Variants in ST18 observed in about 807,000 individuals in gnomAD.
ST18 encodes suppression of tumorigenicity 18 protein.
A neutral mutation model predicts 110.0 loss-of-function variants in ST18; 50 were observed. That is an observed-to-expected ratio of 0.45 (90% CI 0.36 to 0.58). The LOEUF (loss-of-function observed/expected upper bound fraction) is 0.58. ST18 is among the 20% of genes least tolerant of loss of function. ST18 has a pLI of 0.00. For missense variants in ST18, 1,306 were observed against 1,280.1 expected, an observed-to-expected ratio of 1.02 and a Z score of -0.31; for synonymous variants, 461 against 452.4, an observed-to-expected ratio of 1.02 and a Z score of -0.24.
In ST18 at chr8:52,178,677, A is replaced by C. The variant is rs150561988; in HGVS notation, c.277+1445T>G. Among the ~76,000 whole-genome samples, 652 of 149,094 alleles carry C rather than the reference A, an allele frequency of 4.4e-3. 9 individuals are homozygous for C. The highest frequency in any genetic ancestry group is 0.016 in the East Asian group (81 of 5,068). ...AACCAAAATAAAACAAACAAAAAAA[A>C]CCCACCAAAACAACAACAACAACAA... is the stretch of plus-strand genomic sequence containing the variant. On this transcript the variant is annotated intron_variant, in intron 9 of 25. Transcript: ENST00000689386.
At chr8:52,399,123 T>A (rs901026635) in intron 2 of ST18, among the ~76,000 whole-genome samples, 1 of 152,214 alleles carries the variant, frequency 6.6e-6, no homozygotes, top group African/African-American at 2.4e-5. Context: ...GATTTGTTAT[T>A]GGTAAATTCA....
chr8:52,379,025 C>A (rs1279843312), intron 2 of ST18, among the ~76,000 whole-genome samples: 1 of 152,008 alleles, frequency 6.6e-6, no homozygotes, highest in East Asian at 1.9e-4. Flanking sequence ...AGAAATTTTA[C>A]TACAGATGAA....
rs1392871825 is a variant in ST18, at chr8:52,259,338, A to G, written c.-464-29261T>C. Among the ~76,000 whole-genome samples, 3 of 152,198 alleles carry G rather than the reference A, an allele frequency of 2.0e-5. No homozygotes were observed. In the East Asian group the frequency reaches 5.8e-4, roughly 29 times the overall value. Reference sequence around the variant, plus strand: ...GGTGTAGGCAGCACACCTAAATTCCATCTGTTGCCTGGGATTAAACCAATC... The same window carrying G: ...GGTGTAGGCAGCACACCTAAATTCCGTCTGTTGCCTGGGATTAAACCAATC... On this transcript the variant is annotated intron_variant, in intron 2 of 25. Coordinates refer to ENST00000689386, the MANE Select transcript of ST18 (RefSeq NM_001352837.2).
chr8:52,353,026 G>A (rs1821091899), intron 2 of ST18, among the ~76,000 whole-genome samples: 1 of 152,150 alleles, frequency 6.6e-6, no homozygotes, highest in Non-Finnish European at 1.5e-5. Flanking sequence ...CTGAACTCCT[G>A]TTCTTTCCAC....
chr8:52,389,930 C>T (rs1838710280), intron 2 of ST18, among the ~76,000 whole-genome samples: 1 of 151,580 alleles, frequency 6.6e-6, no homozygotes, highest in Non-Finnish European at 1.5e-5. Flanking sequence ...TTTACTCCAA[C>T]AACAACAACA....
At chr8:52,168,474 A>G (rs1050932276) in intron 10 of ST18, among the ~76,000 whole-genome samples, 1 of 152,026 alleles carries the variant, frequency 6.6e-6, no homozygotes, top group African/African-American at 2.4e-5. Context: ...GCTGGATGAT[A>G]AACAGTCCTA....
In ST18 at chr8:52,209,235, G is replaced by A. The variant is rs1588502034; in HGVS notation, c.86+2844C>T. 2.0e-5 allele frequency among the ~76,000 whole-genome samples: 3 copies of A among 152,334 alleles called. 1 individual carries two copies. In the East Asian group the frequency reaches 5.8e-4, roughly 29 times the overall value. ...CACTTTTTGGTTTCTACTCTAAACA[G>A]TATTAATTGTGTGTGAGATAAAGAC... On this transcript the variant is annotated intron_variant, in intron 8 of 25. Coordinates refer to ENST00000689386, the MANE Select transcript of ST18 (RefSeq NM_001352837.2).
At chr8:52,385,394 GT>G (rs778019166) in intron 2 of ST18, among the ~76,000 whole-genome samples, 3 of 152,152 alleles carry the variant, frequency 2.0e-5, no homozygotes, top group East Asian at 3.9e-4. Flanking sequence ...GAGGTCAGAA[GT>G]TCAAGACCAG....
chr8:52,324,424 A>G (rs1805386945), intron 2 of ST18, among the ~76,000 whole-genome samples: 1 of 152,010 alleles, frequency 6.6e-6, no homozygotes. Flanking sequence ...AGTTCTGGGG[A>G]CTAAAGGAAT....
intron 2 of ST18, among the ~76,000 whole-genome samples, chr8:52,393,172 A>G (rs1839887490): frequency 6.6e-6 from 1 of 152,202 alleles, no homozygotes; most frequent in Non-Finnish European, 1.5e-5. Context: ...TGCTTACTCC[A>G]AGGCTGGCTC....
chr8:52,242,777 C>T (rs1358494200), intron 2 of ST18, among the ~76,000 whole-genome samples: 2 of 151,324 alleles, frequency 1.3e-5, no homozygotes, highest in African/African-American at 4.9e-5. Flanking sequence ...GAGACTGAGG[C>T]AGAAGATTCA....
At chr8:52,210,879 G>C (rs998221926) in intron 8 of ST18, among the ~76,000 whole-genome samples, 5 of 152,162 alleles carry the variant, frequency 3.3e-5, no homozygotes, top group Admixed American at 2.6e-4. Flanking sequence ...GTGACAGCCT[G>C]TGTTTTAGAG....
intron 2 of ST18, among the ~76,000 whole-genome samples, chr8:52,292,133 A>G (rs1279653303): frequency 6.6e-6 from 1 of 152,220 alleles, no homozygotes; most frequent in Non-Finnish European, 1.5e-5. Flanking sequence ...AAATATATTT[A>G]ACTTGCAAAG....
intron 2 of ST18, among the ~76,000 whole-genome samples, chr8:52,400,727 AATTTAT>A (rs1375649535): frequency 1.3e-5 from 2 of 152,118 alleles, no homozygotes; most frequent in African/African-American, 2.4e-5. Flanking sequence ...TGTCATCCAC[AATTTAT>A]GTTTTTGTTG....
At chr8:52,376,222 A>C (rs13263915) in intron 2 of ST18, among the ~76,000 whole-genome samples, 1 of 152,050 alleles carries the variant, frequency 6.6e-6, no homozygotes, top group African/African-American at 2.4e-5. Context: ...ACACTCTTAC[A>C]GTGACCTCTA....
intron 8 of ST18, among the ~76,000 whole-genome samples, chr8:52,208,286 C>G (rs1301508064): frequency 6.6e-6 from 1 of 152,172 alleles, no homozygotes; most frequent in Non-Finnish European, 1.5e-5. Context: ...GTGTTCTCTA[C>G]AAAATAGCCA....
intron 8 of ST18, among the ~76,000 whole-genome samples, chr8:52,185,875 G>T (rs985528942): frequency 1.3e-5 from 2 of 152,122 alleles, no homozygotes; most frequent in Non-Finnish European, 2.9e-5. Context: ...CTTGGGGTAG[G>T]CAAAATTTTC....
intron 14 of ST18, among the ~76,000 whole-genome samples, chr8:52,160,713 A>C (rs974602320): frequency 1.3e-5 from 2 of 152,358 alleles, no homozygotes; most frequent in Admixed American, 1.3e-4. Flanking sequence ...GTGTAAGAAG[A>C]AAAAACACCA....
chr8:52,166,715 C>T, intron 11 of ST18, 137 bp downstream of exon 11: 1 of 1,196,716 alleles, frequency 8.4e-7, no homozygotes, highest in Non-Finnish European at 1.1e-6. Flanking sequence ...TTAAAACCCA[C>T]AGCTAGATGG....
Sources: allele counts gnomAD v4.1 joint callset (sites outside exome capture counted in the v4.1 genomes callset), GRCh38; gene constraint gnomAD v4.1.1; transcripts MANE v1.5; gene names NCBI Gene and HGNC (gene_info 2026-07-23, HGNC 2026-07-21).